The following NHS variants were observed in gnomAD, a reference collection of about 807,000 sequenced individuals.
NHS encodes the protein NHS actin remodeling regulator.
NHS carries 5 observed loss-of-function variants against 72.5 expected under a neutral mutation model. The ratio of observed to expected loss-of-function variants is 0.07; its 90% CI spans 0.04 to 0.14. The LOEUF (loss-of-function observed/expected upper bound fraction) is 0.14. NHS is among the 10% of genes least tolerant of loss of function. The pLI is 1.00. For synonymous variants in NHS, 464 were observed against 547.7 expected, an observed-to-expected ratio of 0.85 and a Z score of 2.13; for missense variants, 1,072 against 1,355.7, an observed-to-expected ratio of 0.79 and a Z score of 3.29.
In NHS at chrX:17,727,717, A is replaced by G. The variant is rs1195885728; in HGVS notation, c.3611A>G (p.Asp1204Gly). The G allele has an allele frequency of 1.7e-5, 21 of 1,210,699 alleles. No individual in the cohort carries two copies. The highest frequency in any genetic ancestry group is 2.3e-5 in the Non-Finnish European group (21 of 894,745). ...GAAGACACCATACTGTCCTTTTTAGACTCTTCTGCAGTTGAGATGGGACCA... is the reference window on the plus strand; with the variant it reads ...GAAGACACCATACTGTCCTTTTTAGGCTCTTCTGCAGTTGAGATGGGACCA... ...STEDTILSFL[D>G]SSAVEMGPDK... Residue 1204 changes from aspartate to glycine, a missense_variant, in exon 7 of 9, where the codon GAC becomes GGC. Transcript: ENST00000676302.
intron 1 of NHS, among the ~76,000 whole-genome samples, chrX:17,442,470 C>T (rs1183097788): frequency 2.7e-5 from 3 of 112,513 alleles, no homozygotes; most frequent in African/African-American, 6.5e-5. Context: ...AGTTACACAC[C>T]TCTACTTAAC....
chrX:17,560,331 T>G (rs1057312515), intron 1 of NHS, among the ~76,000 whole-genome samples: 2 of 112,585 alleles, frequency 1.8e-5, no homozygotes, highest in Non-Finnish European at 3.8e-5. Flanking sequence ...ATCTTCAGGA[T>G]TGGATTTCCT....
chrX:17,470,009 T>A (rs2064885450), intron 1 of NHS, among the ~76,000 whole-genome samples: 1 of 111,263 alleles, frequency 9.0e-6, no homozygotes, highest in African/African-American at 3.3e-5. Flanking sequence ...GGTTTATTGT[T>A]TTCACTTGAG....
chrX:17,610,215 C>T (rs1372720869), intron 1 of NHS, among the ~76,000 whole-genome samples: 2 of 111,670 alleles, frequency 1.8e-5, no homozygotes, highest in African/African-American at 6.5e-5. Context: ...CTCTTGAAGT[C>T]TCCATTGCAT....
chrX:17,528,886 C>T (rs1401189878), intron 1 of NHS: 1 of 111,690 alleles, frequency 9.0e-6, no homozygotes, highest in Non-Finnish European at 1.9e-5. Context: ...TTTTCGTAAG[C>T]ACAGGGCACT....
intron 1 of NHS, among the ~76,000 whole-genome samples, chrX:17,435,522 C>A (rs775035241): frequency 8.9e-6 from 1 of 112,226 alleles, no homozygotes; most frequent in South Asian, 3.7e-4. Flanking sequence ...GTTCTGCCTG[C>A]GGGCTCTAAT....
intron 1 of NHS, among the ~76,000 whole-genome samples, chrX:17,418,277 A>T (rs1046033264): frequency 7.1e-5 from 8 of 111,977 alleles, no homozygotes; most frequent in African/African-American, 2.3e-4. Context: ...AAGATGGTGC[A>T]TTCAGAGAAC....
At chrX:17,575,369 A>G (rs974624941) in intron 1 of NHS, among the ~76,000 whole-genome samples, 1 of 111,315 alleles carries the variant, frequency 9.0e-6, no homozygotes, top group South Asian at 3.7e-4. Flanking sequence ...AGTTTTTAAA[A>G]TACATCACCA....
chrX:17,645,486 T>C (rs2065901926), intron 1 of NHS, among the ~76,000 whole-genome samples: 1 of 111,799 alleles, frequency 8.9e-6, no homozygotes, highest in African/African-American at 3.3e-5. Context: ...CTCCAATTTA[T>C]ACAGCTTACT....
intron 1 of NHS, among the ~76,000 whole-genome samples, chrX:17,677,436 A>T (rs1303001928): frequency 2.7e-5 from 3 of 111,247 alleles, no homozygotes; most frequent in Non-Finnish European, 5.7e-5. Context: ...ATATATATAT[A>T]TATCAAACAC....
At chrX:17,539,023 T>C (rs781605378) in intron 1 of NHS, among the ~76,000 whole-genome samples, 2 of 112,520 alleles carry the variant, frequency 1.8e-5, no homozygotes, top group African/African-American at 6.5e-5. Flanking sequence ...GATGGGCACA[T>C]GCCCTCTACC....
chrX:17,474,482 C>G (rs1487933696), intron 1 of NHS, among the ~76,000 whole-genome samples: 1 of 111,618 alleles, frequency 9.0e-6, no homozygotes, highest in African/African-American at 3.3e-5. Flanking sequence ...CACAGGAAAG[C>G]TACTGGGGAG....
At chrX:17,641,786 A>C (rs757231311) in intron 1 of NHS, among the ~76,000 whole-genome samples, 1 of 111,117 alleles carries the variant, frequency 9.0e-6, no homozygotes, top group East Asian at 2.8e-4. Flanking sequence ...GAAAAGAAAA[A>C]AACAAACTTC....
At position 17,726,926 on chromosome X, in the gene NHS, C is replaced by T. The variant is rs934576891; in HGVS notation, c.2820C>T (p.Ala940=). The T allele has an allele frequency of 6.6e-6, 8 of 1,209,859 alleles. No individual in the cohort carries two copies. Among genetic ancestry groups the T allele is most frequent in the Non-Finnish European group, 8.9e-6 (8 of 895,196 alleles). The part of the protein sequence containing the change: ...SDIPPFKDEV[A]ESTHYADLWL... ...TTCCACCATTCAAAGATGAAGTTGC[C>T]GAATCCACACACTATGCAGACCTCT... The change falls in exon 7 of 9, where the codon GCC becomes GCT. Residue 940 remains alanine, a synonymous_variant. Transcript: ENST00000676302.
chrX:17,660,083 G>A (rs2065975633), intron 1 of NHS, among the ~76,000 whole-genome samples: 1 of 112,038 alleles, frequency 8.9e-6, no homozygotes, highest in African/African-American at 3.2e-5. Context: ...TTGTAAATTT[G>A]CTGAGGCATG....
intron 1 of NHS, among the ~76,000 whole-genome samples, chrX:17,598,483 A>G (rs1250399769): frequency 8.9e-6 from 1 of 112,389 alleles, no homozygotes; most frequent in Non-Finnish European, 1.9e-5. Flanking sequence ...TTTAAAAAAC[A>G]CTTATATGAT....
At chrX:17,516,533 T>C (rs2065120727) in intron 1 of NHS, among the ~76,000 whole-genome samples, 2 of 108,069 alleles carry the variant, frequency 1.9e-5, no homozygotes, top group African/African-American at 6.8e-5. Flanking sequence ...CAATAAATAT[T>C]CTTGAAAGGG....
rs776382788 is a variant in NHS, at chrX:17,721,566, G to A, written c.1041G>A (p.Thr347=). The A allele has an allele frequency of 6.6e-6, 8 of 1,209,551 alleles. No homozygotes were observed. The highest frequency in any genetic ancestry group is 1.8e-5 in the South Asian group (1 of 56,779). Residue 347 remains threonine, a synonymous_variant, in exon 5 of 9, where the codon ACG becomes ACA. Transcript: ENST00000676302. ...TNWSKALPLP[T]PEEKMKQDAQ... is the part of the protein sequence containing the mutation. The stretch of plus-strand genomic sequence containing the variant: ...GGAGCAAAGCACTACCTCTCCCGAC[G>A]CCAGAGGAGAAGATGAAACAAGATG...
In NHS at chrX:17,376,202, C is replaced by G. The variant is rs1474092580; in HGVS notation, c.445C>G (p.Leu149Val). Residue 149 changes from leucine to valine, a missense_variant, in exon 1 of 9, where the codon CTC (leucine) becomes GTC (valine). By Grantham distance (32) the Leu-to-Val change is conservative. Transcript: ENST00000676302. ...GGACGTGGCCCGGCACGCTTGCAGC[C>G]TCTTCCAGGAGCTCGAGAGCGACAT... ...LSDVARHACS[L>V]FQELESDIQL... The G allele has an allele frequency of 8.4e-7, 1 of 1,188,918 alleles. No individual in the cohort carries two copies. The highest frequency in any genetic ancestry group is 1.7e-5 in the African/African-American group (1 of 57,255).
Sources: gnomAD v4.1 joint callset for allele counts (sites outside exome capture counted in the v4.1 genomes callset) on GRCh38, gnomAD v4.1.1 for gene constraint, MANE v1.5 for transcripts, NCBI Gene and HGNC (gene_info 2026-07-23, HGNC 2026-07-21) for gene names.